The following ADAM23 variants were observed in gnomAD, a reference collection of about 807,000 sequenced individuals.
ADAM23 encodes the protein ADAM metallopeptidase domain 23.
ADAM23 carries 33 observed loss-of-function variants against 120.1 expected under a neutral mutation model. The ratio of observed to expected loss-of-function variants is 0.27; its 90% CI spans 0.21 to 0.37. The LOEUF (loss-of-function observed/expected upper bound fraction) is 0.37, where lower values mean the gene tolerates loss of function less well. Among genes scored for constraint, ADAM23 ranks in the 10% least tolerant of loss-of-function variants. The pLI is 1.00. For missense variants in ADAM23, 862 were observed against 1,058.2 expected (o/e 0.81, Z 2.57); for synonymous variants, 367 against 375.2 (o/e 0.98, Z 0.25).
At chr2:206,475,932 TTATGG>T (rs1157196888) in intron 2 of ADAM23, among the ~76,000 whole-genome samples, 1 of 152,072 alleles carries the variant, frequency 6.6e-6, no homozygotes, top group East Asian at 1.9e-4. Flanking sequence ...CCTGAAAAGG[TTATGG>T]TTACACACAC....
chr2:206,493,827 T>C (rs1486488148), intron 3 of ADAM23, among the ~76,000 whole-genome samples: 2 of 152,264 alleles, frequency 1.3e-5, no homozygotes, highest in Non-Finnish European at 2.9e-5. Flanking sequence ...TCTTCCTCCT[T>C]TCTTTTTTGC....
At chr2:206,468,890 C>T (rs914137464) in intron 2 of ADAM23, among the ~76,000 whole-genome samples, 9 of 152,112 alleles carry the variant, frequency 5.9e-5, no homozygotes, top group African/African-American at 9.7e-5. Context: ...AGCTTTTACC[C>T]GTGGTGGAAA....
intron 3 of ADAM23, among the ~76,000 whole-genome samples, chr2:206,498,005 A>G (rs1413045474): frequency 6.6e-6 from 1 of 152,216 alleles, no homozygotes; most frequent in Admixed American, 6.5e-5. Flanking sequence ...AAAAGGGGAT[A>G]CAAACAAATG....
chr2:206,482,352 C>T (rs1272183956), intron 3 of ADAM23, among the ~76,000 whole-genome samples: 1 of 152,156 alleles, frequency 6.6e-6, no homozygotes, highest in Non-Finnish European at 1.5e-5. Context: ...AGTTTGTCTG[C>T]CTAAGGGACT....
At chr2:206,549,839 A>T (rs1697476365) in intron 8 of ADAM23, among the ~76,000 whole-genome samples, 1 of 152,076 alleles carries the variant, frequency 6.6e-6, no homozygotes, top group South Asian at 2.1e-4. Flanking sequence ...ATACAACAAC[A>T]TGGACTGTTT....
intron 9 of ADAM23, among the ~76,000 whole-genome samples, 159 bp from the exon 10 acceptor site, chr2:206,557,268 C>A (rs1697665178): frequency 6.6e-6 from 1 of 152,130 alleles, no homozygotes; most frequent in African/African-American, 2.4e-5. Flanking sequence ...TGCCACCTAA[C>A]AGAGAAGTAA....
chr2:206,463,385 G>A lies in ADAM23; in HGVS notation c.433-17847G>A, dbSNP rs558674641. Among the ~76,000 whole-genome samples, 10 of 152,260 alleles carry A rather than the reference G, an allele frequency of 6.6e-5. No individual in the cohort carries two copies. In the East Asian group the frequency reaches 1.9e-3, roughly 29 times the overall value. On this transcript the variant is annotated intron_variant, in intron 2 of 25. Coordinates refer to ENST00000264377, the MANE Select transcript of ADAM23 (RefSeq NM_003812.4). ...GCCTTTAGAAGGTGGAAAAGATTAG[G>A]AAACAGGCTCTTCCCTAGAACCTCC...
At position 206,594,761 on chromosome 2, in the gene ADAM23, T is replaced by A; in HGVS notation, c.2103T>A (p.Asp701Glu). The change falls in exon 23 of 26, where the codon GAT (aspartate) becomes GAA (glutamate). Residue 701 changes from aspartate to glutamate, a missense_variant. Coordinates refer to ENST00000264377, the MANE Select transcript of ADAM23 (RefSeq NM_003812.4). ...GTGGTGCCCATGTAGTTTTAGATGATGATACGGATGTGGGCTATGTAGAAG... is the reference window on the plus strand; with the variant it reads ...GTGGTGCCCATGTAGTTTTAGATGAAGATACGGATGTGGGCTATGTAGAAG... Reference protein sequence around the residue: ...DCSGAHVVLDDDTDVGYVEDG... With the variant: ...DCSGAHVVLDEDTDVGYVEDG... 1 of 1,614,214 alleles carries A rather than the reference T, an allele frequency of 6.2e-7. No homozygotes were observed. Among genetic ancestry groups the A allele is most frequent in the Non-Finnish European group, 8.5e-7 (1 of 1,180,026 alleles).
rs943828729 is a variant in ADAM23, at chr2:206,492,994, C to T, written c.509+11686C>T. Among the ~76,000 whole-genome samples, 3 of 152,114 alleles carry T rather than the reference C, an allele frequency of 2.0e-5. No homozygotes were observed. The East Asian group carries it at 5.8e-4, about 29-fold the overall frequency. ...CTACTATTCATTGCATAAATCTAGTCCCAAACAATAACTTATTAAATTTTC... is the reference window on the plus strand; with the variant it reads ...CTACTATTCATTGCATAAATCTAGTTCCAAACAATAACTTATTAAATTTTC... On this transcript the variant is annotated intron_variant, in intron 3 of 25. Transcript: ENST00000264377.
chr2:206,464,182 G>A (rs1695490193), intron 2 of ADAM23, among the ~76,000 whole-genome samples: 1 of 152,150 alleles, frequency 6.6e-6, no homozygotes, highest in Non-Finnish European at 1.5e-5. Context: ...ATATTTAACT[G>A]TTGAAAGAAC....
At chr2:206,553,965 G>A (rs961099312) in intron 9 of ADAM23, among the ~76,000 whole-genome samples, 4 of 151,940 alleles carry the variant, frequency 2.6e-5, no homozygotes, top group African/African-American at 9.7e-5. Context: ...CTTAAGGATT[G>A]CATGTGTTCA....
At position 206,482,372 on chromosome 2, in the gene ADAM23, A is replaced by C. The variant is rs574187706; in HGVS notation, c.509+1064A>C. Among the ~76,000 whole-genome samples, 5 of 152,344 alleles carry C rather than the reference A, an allele frequency of 3.3e-5. No individual in the cohort carries two copies. The South Asian group carries it at 8.3e-4, about 25-fold the overall frequency. Reference sequence around the variant, plus strand: ...GTCTGCCTAAGGGACTTGTCTTGCCAAATCTTACACTATGTTGAGTGGCAA... The same window carrying C: ...GTCTGCCTAAGGGACTTGTCTTGCCCAATCTTACACTATGTTGAGTGGCAA... On this transcript the variant is annotated intron_variant, in intron 3 of 25. Coordinates refer to ENST00000264377, the MANE Select transcript of ADAM23 (RefSeq NM_003812.4).
intron 20 of ADAM23, 55 bp downstream of exon 20, chr2:206,588,209 T>C (rs557356388): frequency 6.3e-7 from 1 of 1,575,470 alleles, no homozygotes; most frequent in South Asian, 1.1e-5. Flanking sequence ...CTTAATAGTG[T>C]TCTTCTCTGC....
intron 1 of ADAM23, 51 bp downstream of exon 1, chr2:206,444,131 G>A (rs1695024573): frequency 2.4e-6 from 3 of 1,230,410 alleles, no homozygotes; most frequent in African/African-American, 1.6e-5. Context: ...GGGCCCTGCA[G>A]AGGAAAGCGA....
intron 3 of ADAM23, among the ~76,000 whole-genome samples, chr2:206,530,045 G>A (rs1243275179): frequency 2.0e-5 from 3 of 152,104 alleles, no homozygotes; most frequent in South Asian, 2.1e-4. Context: ...TCTTGACCTC[G>A]TGATCCACCC....
chr2:206,492,831 A>G (rs1272983172), intron 3 of ADAM23, among the ~76,000 whole-genome samples: 3 of 152,184 alleles, frequency 2.0e-5, no homozygotes, highest in Non-Finnish European at 2.9e-5. Context: ...AGGGACCTAT[A>G]CATTCAAACC....
intron 3 of ADAM23, among the ~76,000 whole-genome samples, chr2:206,501,659 A>G (rs1696390169): frequency 6.6e-6 from 1 of 152,154 alleles, no homozygotes. Context: ...GCCAGTGTCC[A>G]GTGCTATTAA....
chr2:206,451,436 C>T (rs548345800), intron 2 of ADAM23, among the ~76,000 whole-genome samples: 58 of 152,302 alleles, frequency 3.8e-4, no homozygotes, highest in African/African-American at 1.3e-3. Flanking sequence ...GATGGGGTTT[C>T]ACCATGTTGG....
At chr2:206,474,066 C>T (rs1695723839) in intron 2 of ADAM23, among the ~76,000 whole-genome samples, 1 of 149,810 alleles carries the variant, frequency 6.7e-6, no homozygotes, top group Non-Finnish European at 1.5e-5. Flanking sequence ...CTCTCCTATA[C>T]TAATCTGCTC....
Sources: gnomAD v4.1 joint callset for allele counts (sites outside exome capture counted in the v4.1 genomes callset) on GRCh38, gnomAD v4.1.1 for gene constraint, MANE v1.5 for transcripts, NCBI Gene and HGNC (gene_info 2026-07-23, HGNC 2026-07-21) for gene names.